The following FBXO9 variants were observed in gnomAD, a reference collection of about 807,000 sequenced individuals.
FBXO9 encodes the protein F-box only protein 9.
FBXO9 carries 43 observed loss-of-function variants against 63.7 expected under a neutral mutation model. The ratio of observed to expected loss-of-function variants is 0.67; its 90% CI spans 0.53 to 0.87. The LOEUF (loss-of-function observed/expected upper bound fraction) is 0.87. Ranked by LOEUF, FBXO9 falls within the 40% of genes least tolerant of loss-of-function variation. The pLI, the probability that FBXO9 is intolerant of heterozygous loss-of-function variation, is 0.00. For synonymous variants in FBXO9, 156 were observed against 171.7 expected (o/e 0.91, Z 0.72); for missense variants, 442 against 533.2 (o/e 0.83, Z 1.68).
At position 53,098,191 on chromosome 6, in the gene FBXO9, G is replaced by A. The variant is rs114683383; in HGVS notation, c.*361G>A. ...TGAGCAGATTTCTGTCACATAAGTC[G>A]TCTTCTGCTTGAGTATCCTAATATT... On this transcript the variant is annotated 3_prime_UTR_variant, in exon 13 of 13. Transcript: ENST00000323557. The A allele has an allele frequency of 5.9e-3, 2,193 of 371,324 alleles. 11 individuals are homozygous for A. The highest frequency in any genetic ancestry group is 8.6e-3 in the Non-Finnish European group (1,544 of 179,330). 23.0% of individuals were successfully genotyped at this position (371,324 alleles called of 1,614,324 possible).
intron 5 of FBXO9, 36 bp from the exon 6 acceptor site, chr6:53,080,931 AC>A (rs1367799306): frequency 6.2e-7 from 1 of 1,611,848 alleles, no homozygotes; most frequent in Non-Finnish European, 8.5e-7. Flanking sequence ...ACGCTTGTAG[AC>A]TGAGGCACTT....
chr6:53,070,681 G>T (rs1343414373), intron 1 of FBXO9, among the ~76,000 whole-genome samples: 2 of 152,158 alleles, frequency 1.3e-5, no homozygotes, highest in Non-Finnish European at 2.9e-5. Context: ...CCATATGAGG[G>T]ACTGGAAAAC....
intron 1 of FBXO9, among the ~76,000 whole-genome samples, chr6:53,070,139 C>T (rs536140421): frequency 4.0e-5 from 6 of 151,208 alleles, no homozygotes; most frequent in African/African-American, 1.5e-4. Flanking sequence ...CCACCTCAGC[C>T]TCCCAATTAG....
intron 1 of FBXO9, chr6:53,068,116 C>T (rs930884805): frequency 1.3e-5 from 2 of 151,158 alleles, no homozygotes; most frequent in African/African-American, 4.9e-5. Flanking sequence ...CCTGAAATAA[C>T]ATATGACTAA....
intron 3 of FBXO9, among the ~76,000 whole-genome samples, chr6:53,075,016 A>G (rs1252343779): frequency 6.6e-6 from 1 of 152,210 alleles, no homozygotes; most frequent in Admixed American, 6.5e-5. Flanking sequence ...TTTGATTTTA[A>G]AAGAAACTGC....
At chr6:53,076,401 C>T in intron 3 of FBXO9, 85 bp from the exon 4 acceptor site, 1 of 833,394 alleles carries the variant, frequency 1.2e-6, no homozygotes, top group Non-Finnish European at 1.9e-6. Flanking sequence ...TTATTTTGCA[C>T]AATTTATTAA....
At chr6:53,065,827 C>A (rs1432213981) in intron 1 of FBXO9, 35 bp downstream of exon 1, 17 of 1,322,656 alleles carry the variant, frequency 1.3e-5, no homozygotes, top group Non-Finnish European at 1.6e-5. Flanking sequence ...GTGGACGCCG[C>A]GGGGCGGGAG....
intron 1 of FBXO9, among the ~76,000 whole-genome samples, chr6:53,068,451 G>A (rs979543797): frequency 2.6e-5 from 4 of 152,052 alleles, no homozygotes; most frequent in Non-Finnish European, 4.4e-5. Context: ...CACTGAAGCC[G>A]ATCCAATATA....
intron 12 of FBXO9, 71 bp from the exon 13 acceptor site, chr6:53,097,651 C>A (rs949367290): frequency 1.3e-5 from 11 of 860,162 alleles, no homozygotes; most frequent in Non-Finnish European, 1.8e-5. Flanking sequence ...AATAACCTTC[C>A]CCAAACACAC....
intron 1 of FBXO9, 144 bp downstream of exon 1, chr6:53,065,936 C>A (rs1230157157): frequency 2.6e-5 from 31 of 1,174,736 alleles, no homozygotes; most frequent in Admixed American, 1.3e-4. Flanking sequence ...GGGCCCTGGC[C>A]TGAGAAGGAG....
Position 53,065,577 on chromosome 6 carries a change from C to T in FBXO9, c.-213C>T, listed in dbSNP as rs914719046. ...CAGCCGCCGCCACCCCAGCGCGCCCCGATCTGGCCCCCTGCCCCGCGAAGA... is the reference window on the plus strand; with the variant it reads ...CAGCCGCCGCCACCCCAGCGCGCCCTGATCTGGCCCCCTGCCCCGCGAAGA... On this transcript the variant is annotated 5_prime_UTR_variant, in exon 1 of 13. Transcript: ENST00000323557. The T allele has an allele frequency of 4.4e-5, 22 of 499,470 alleles. No individual in the cohort carries two copies. The highest frequency in any genetic ancestry group is 4.0e-4 in the African/African-American group (20 of 50,320). The allele number at this position is 499,470 out of a possible 1,614,324, so 30.9% of individuals were successfully genotyped here. A position where few individuals can be genotyped will look rare whatever the true frequency, so the allele number is the denominator to read the frequency against.
chr6:53,081,181 C>T, intron 6 of FBXO9, 83 bp downstream of exon 6: 1 of 1,333,002 alleles, frequency 7.5e-7, no homozygotes. Flanking sequence ...GATAATTTGC[C>T]AGATAACTGC....
chr6:53,096,115 T>TA (rs572639201), intron 12 of FBXO9, among the ~76,000 whole-genome samples: 2 of 152,186 alleles, frequency 1.3e-5, no homozygotes, highest in South Asian at 2.1e-4. Context: ...GTAAGTCTAC[T>TA]AAAAAAATAA....
chr6:53,095,664 A>G lies in FBXO9; in HGVS notation c.1205A>G (p.Lys402Arg), dbSNP rs185129258. 4 of 1,605,138 alleles carry G rather than the reference A, an allele frequency of 2.5e-6. No homozygotes were observed. Among genetic ancestry groups the G allele is most frequent in the Admixed American group, 3.5e-5 (2 of 57,696 alleles). Residue 402 changes from lysine to arginine, a missense_variant and splice_region_variant, in exon 12 of 13, where the codon AAA (lysine) becomes AGA (arginine). By Grantham distance (26) the Lys-to-Arg change is conservative (BLOSUM62 2). This residue lies in a region of FBXO9 where 262 missense variants were observed against 362.1 expected (regional missense o/e 0.72). Coordinates refer to ENST00000323557, the MANE Select transcript of FBXO9 (RefSeq NM_033480.3). ...WIHHSCHITYKSTGETAVSAF... is the reference protein window; with the variant it reads ...WIHHSCHITYRSTGETAVSAF... ...CATCATTCTTGTCACATTACTTACA[A>G]GTAGGTGAATGCAATAAAAATAACA... is the stretch of plus-strand genomic sequence containing the variant.
chr6:53,093,886 A>C lies in FBXO9; in HGVS notation c.961A>C (p.Thr321Pro). 6.5e-7 allele frequency: 1 copy of C among 1,531,624 alleles called. No homozygotes were observed. The highest frequency in any genetic ancestry group is 8.8e-7 in the Non-Finnish European group (1 of 1,136,198). The allele number at this position is 1,531,624 out of a possible 1,614,324, so 94.9% of individuals were successfully genotyped here. ...TTCAATTTGTTTTTTTTTTTTAAGG[A>C]CTGATGCAATTCTACTGGGTCACTA... is the stretch of plus-strand genomic sequence containing the variant. Reference protein sequence around the residue: ...VPRLRTRNTRTDAILLGHYRL... With the variant: ...VPRLRTRNTRPDAILLGHYRL... Residue 321 changes from threonine to proline, a missense_variant and splice_region_variant, in exon 11 of 13, where the codon ACT (threonine) becomes CCT (proline). Transcript: ENST00000323557.
chr6:53,076,370 A>T, intron 3 of FBXO9, 116 bp from the exon 4 acceptor site: 1 of 655,568 alleles, frequency 1.5e-6, no homozygotes, highest in Non-Finnish European at 2.6e-6. Context: ...AAGGTTCATT[A>T]ATTTGCCTAT....
Position 53,092,916 on chromosome 6 carries a change from C to T in FBXO9, c.863+92C>T, listed in dbSNP as rs568505897. ...TGTTCTTTGTTGCTTTTGATTGACC[C>T]GCAAAATGGCCCTCAGTATTTTTAT... On this transcript the variant is annotated intron_variant, in intron 9 of 12. Coordinates refer to ENST00000323557, the MANE Select transcript of FBXO9 (RefSeq NM_033480.3). The T allele has an allele frequency of 1.7e-3, 1,253 of 740,196 alleles. 12 individuals are homozygous for T. Among genetic ancestry groups the T allele is most frequent in the Middle Eastern group, 9.7e-3 (40 of 4,124 alleles). The allele number at this position is 740,196 out of a possible 1,614,324, so 45.9% of individuals were successfully genotyped here.
At chr6:53,066,019 C>A in intron 1 of FBXO9, 1 of 1,216,446 alleles carries the variant, frequency 8.2e-7, no homozygotes, top group Non-Finnish European at 1.0e-6. Flanking sequence ...CCCCAACCCC[C>A]GCCGAGCTCG....
rs924151610 is a variant in FBXO9 at position 53,099,796 on chromosome 6, T to G, written c.*1966T>G. The G allele has an allele frequency of 6.6e-6, 1 of 152,204 alleles. No homozygotes were observed. Among genetic ancestry groups the G allele is most frequent in the Non-Finnish European group, 1.5e-5 (1 of 68,056 alleles). 9.4% of individuals were successfully genotyped at this position (152,204 alleles called of 1,614,324 possible). A position where few individuals can be genotyped will look rare whatever the true frequency, so the allele number is the denominator to read the frequency against. On this transcript the variant is annotated 3_prime_UTR_variant, in exon 13 of 13. Coordinates refer to ENST00000323557, the MANE Select transcript of FBXO9 (RefSeq NM_033480.3). ...TTGTAGCAATCTGAGAAGTGTGTTT[T>G]TCAAGTTGGAAAGGAAGGAGAAAAG... is the stretch of plus-strand genomic sequence containing the variant.
Sources: allele counts gnomAD v4.1 joint callset (sites outside exome capture counted in the v4.1 genomes callset), GRCh38; gene constraint gnomAD v4.1.1; regional missense constraint gnomAD v4.1.1; transcripts MANE v1.5; gene names NCBI Gene and HGNC (gene_info 2026-07-23, HGNC 2026-07-21).